Variants in STAG1 observed in about 807,000 individuals in gnomAD.
STAG1 encodes STAG1 cohesin complex component, also known as cohesin subunit SA-1.
STAG1 carries 26 observed loss-of-function variants against 170.9 expected under a neutral mutation model. The ratio of observed to expected loss-of-function variants is 0.15; its 90% CI spans 0.11 to 0.21. The LOEUF (loss-of-function observed/expected upper bound fraction) is 0.21, where lower values mean the gene tolerates loss of function less well. STAG1 is among the 10% of genes least tolerant of loss of function. STAG1 has a pLI of 1.00. For synonymous variants in STAG1, 514 were observed against 497.7 expected, an observed-to-expected ratio of 1.03 and a Z score of -0.44; for missense variants, 964 against 1,509.5, an observed-to-expected ratio of 0.64 and a Z score of 5.99.
At chr3:136,383,500 AACTT>A (rs1250901842) in intron 22 of STAG1, among the ~76,000 whole-genome samples, 2 of 152,204 alleles carry the variant, frequency 1.3e-5, no homozygotes, top group Non-Finnish European at 2.9e-5. Flanking sequence ...AAATATGCTT[AACTT>A]ACTTCATTTT....
intron 5 of STAG1, among the ~76,000 whole-genome samples, chr3:136,568,208 T>C (rs1937150760): frequency 6.6e-6 from 1 of 152,238 alleles, no homozygotes; most frequent in South Asian, 2.1e-4. Context: ...GTAATACAAA[T>C]TAACCTGTTA....
At position 136,639,185 on chromosome 3, in the gene STAG1, G is replaced by A. The variant is rs796616811; in HGVS notation, c.-83-8204C>T. Among the ~76,000 whole-genome samples, 204 of 115,362 alleles carry A rather than the reference G, an allele frequency of 1.8e-3. 1 individual carries two copies. Among genetic ancestry groups the A allele is most frequent in the South Asian group, 2.1e-3 (7 of 3,356 alleles). 75.7% of individuals were successfully genotyped at this position (115,362 alleles called of 152,430 possible). ...ACTCCCATCTCAAAAAAAGAAAAAA[G>A]AAAAGAAAAAAAAAAGGCCTTGGAG... On this transcript the variant is annotated intron_variant, in intron 1 of 33. Coordinates refer to ENST00000383202, the MANE Select transcript of STAG1 (RefSeq NM_005862.3).
intron 4 of STAG1, among the ~76,000 whole-genome samples, chr3:136,572,620 A>AAAAAAG (rs1553747954): frequency 6.7e-6 from 1 of 148,746 alleles, no homozygotes; most frequent in South Asian, 2.1e-4. Flanking sequence ...AAAAAAAAAA[A>AAAAAAG]AAGTAAGCAA....
At chr3:136,396,027 C>T (rs1010704994) in intron 22 of STAG1, among the ~76,000 whole-genome samples, 20 of 152,170 alleles carry the variant, frequency 1.3e-4, no homozygotes, top group African/African-American at 4.6e-4. Flanking sequence ...CTTCAGCCTC[C>T]AAGTAACTGG....
intron 16 of STAG1, among the ~76,000 whole-genome samples, chr3:136,430,764 T>C (rs2088274779): frequency 6.7e-6 from 1 of 150,116 alleles, no homozygotes; most frequent in Non-Finnish European, 1.5e-5. Context: ...AATAATTTCA[T>C]GTTCTTTCAA....
chr3:136,603,248 G>T (rs1489075590), intron 4 of STAG1, among the ~76,000 whole-genome samples: 2 of 151,700 alleles, frequency 1.3e-5, no homozygotes, highest in African/African-American at 4.8e-5. Flanking sequence ...CTGGAGTGCA[G>T]TGGCACAATC....
At chr3:136,423,365 T>C (rs1196033355) in intron 16 of STAG1, among the ~76,000 whole-genome samples, 1 of 152,180 alleles carries the variant, frequency 6.6e-6, no homozygotes, top group Non-Finnish European at 1.5e-5. Flanking sequence ...CTCAGTGTGT[T>C]AACAGTGATC....
intron 7 of STAG1, among the ~76,000 whole-genome samples, chr3:136,505,041 A>T (rs1210621156): frequency 6.6e-6 from 1 of 152,232 alleles, no homozygotes; most frequent in African/African-American, 2.4e-5. Context: ...TGAATAACAC[A>T]TAAACAGCTA....
chr3:136,468,890 T>C (rs1363223414), intron 12 of STAG1, among the ~76,000 whole-genome samples: 1 of 152,098 alleles, frequency 6.6e-6, no homozygotes, highest in African/African-American at 2.4e-5. Context: ...AAAAACGACA[T>C]GATTATCTCA....
chr3:136,457,567 A>C (rs2089152934), intron 13 of STAG1, among the ~76,000 whole-genome samples: 1 of 152,058 alleles, frequency 6.6e-6, no homozygotes, highest in African/African-American at 2.4e-5. Context: ...GACCCACTTT[A>C]TGCACTCATT....
intron 9 of STAG1, among the ~76,000 whole-genome samples, chr3:136,484,715 C>A (rs2107834097): frequency 6.6e-6 from 1 of 151,236 alleles, no homozygotes; most frequent in East Asian, 2.0e-4. Context: ...GACTGCTGTG[C>A]CAGCAATCAG....
intron 1 of STAG1, among the ~76,000 whole-genome samples, chr3:136,650,858 T>C (rs538872455): frequency 1.3e-5 from 2 of 150,626 alleles, no homozygotes; most frequent in African/African-American, 4.9e-5. Flanking sequence ...TGTGGTGGCC[T>C]AAAAAAGTGT....
At chr3:136,477,246 G>C (rs752461296) in intron 10 of STAG1, 43 bp downstream of exon 10, 16 of 1,550,024 alleles carry the variant, frequency 1.0e-5, no homozygotes, top group Non-Finnish European at 8.7e-7. Flanking sequence ...TTAGTACTGA[G>C]ACAAACATAA....
intron 22 of STAG1, among the ~76,000 whole-genome samples, chr3:136,398,275 G>C (rs1376325632): frequency 1.3e-5 from 2 of 152,118 alleles, no homozygotes; most frequent in Non-Finnish European, 2.9e-5. Context: ...GCATCACCAT[G>C]CCCAGCTAAT....
intron 13 of STAG1, among the ~76,000 whole-genome samples, chr3:136,461,679 G>A (rs139427955): frequency 6.6e-6 from 1 of 151,546 alleles, no homozygotes; most frequent in East Asian, 1.9e-4. Context: ...CAATAGCATG[G>A]GCAATAAAAG....
rs528197456 is a variant in STAG1 at position 136,590,408 on chromosome 3, G to C, written c.297+13901C>G. Among the ~76,000 whole-genome samples, 42 of 149,054 alleles carry C rather than the reference G, an allele frequency of 2.8e-4. 1 individual carries two copies. Among genetic ancestry groups the C allele is most frequent in the Middle Eastern group, 3.5e-3 (1 of 286 alleles). The stretch of plus-strand genomic sequence containing the variant: ...CTCGGGAGGCTGAGGCAGGAGAATC[G>C]CATGAACCCAGGAGGCAGAGGTTGC... On this transcript the variant is annotated intron_variant, in intron 4 of 33. Coordinates refer to ENST00000383202, the MANE Select transcript of STAG1 (RefSeq NM_005862.3).
chr3:136,673,886 T>C (rs1470276040), intron 1 of STAG1, among the ~76,000 whole-genome samples: 1 of 151,718 alleles, frequency 6.6e-6, no homozygotes, highest in African/African-American at 2.4e-5. Context: ...GTGGATTGCT[T>C]GAGCTCATGA....
intron 7 of STAG1, among the ~76,000 whole-genome samples, chr3:136,514,079 C>T (rs1576550679): frequency 6.6e-6 from 1 of 152,184 alleles, no homozygotes; most frequent in South Asian, 2.1e-4. Context: ...TATTTTTGTA[C>T]TTTTCTCTTT....
In STAG1 at chr3:136,359,264, G is replaced by A; in HGVS notation, c.2820C>T (p.Pro940=). Residue 940 remains proline, a synonymous_variant, in exon 27 of 34, where the codon CCC becomes CCT. Transcript: ENST00000383202. ...LFNELVQEQG[P]NLDRTSAHVS... ...CATGGGCAGATGTCCTATCTAGGTT[G>A]GGACCTTGCTCTTGAACAAGTTCAT... The A allele has an allele frequency of 1.9e-6, 3 of 1,606,412 alleles. No individual in the cohort carries two copies. Among genetic ancestry groups the A allele is most frequent in the Non-Finnish European group, 2.6e-6 (3 of 1,176,386 alleles).
Sources: gnomAD v4.1 joint callset for allele counts (sites outside exome capture counted in the v4.1 genomes callset) on GRCh38, gnomAD v4.1.1 for gene constraint, MANE v1.5 for transcripts, NCBI Gene and HGNC (gene_info 2026-07-23, HGNC 2026-07-21) for gene names.